EPS15: variants seen among roughly 807,000 people sequenced by gnomAD.
EPS15 encodes the protein epidermal growth factor receptor pathway substrate 15.
In EPS15, 72 loss-of-function variants were observed where a neutral mutation model predicts 113.8. The ratio of observed to expected loss-of-function variants is 0.63; its 90% CI spans 0.52 to 0.77. The LOEUF (loss-of-function observed/expected upper bound fraction) is 0.77. Ranked by LOEUF, EPS15 falls within the 30% of genes least tolerant of loss-of-function variation. The pLI is 0.00. For missense variants in EPS15, 1,048 were observed against 1,045.8 expected (o/e 1.00, Z -0.03); for synonymous variants, 344 against 363.4 (o/e 0.95, Z 0.61).
At chr1:51,464,854 T>A (rs1654732718) in intron 6 of EPS15, among the ~76,000 whole-genome samples, 1 of 152,246 alleles carries the variant, frequency 6.6e-6, no homozygotes, top group South Asian at 2.1e-4. Context: ...TAGTACGATA[T>A]GATGTGGCTC....
intron 21 of EPS15, among the ~76,000 whole-genome samples, chr1:51,390,768 C>G (rs1388975414): frequency 6.6e-6 from 1 of 152,090 alleles, no homozygotes; most frequent in Non-Finnish European, 1.5e-5. Flanking sequence ...CAATGAGATA[C>G]CATCTCACAC....
At chr1:51,455,915 G>A (rs1019907513) in intron 8 of EPS15, among the ~76,000 whole-genome samples, 6 of 151,606 alleles carry the variant, frequency 4.0e-5, no homozygotes, top group African/African-American at 1.5e-4. Context: ...CCATGGTCAT[G>A]CCAAGGCCTA....
At chr1:51,402,943 A>G (rs1402214995) in intron 17 of EPS15, among the ~76,000 whole-genome samples, 1 of 152,202 alleles carries the variant, frequency 6.6e-6, no homozygotes, top group Non-Finnish European at 1.5e-5. Context: ...AATGTAACAA[A>G]TATCTCTCTA....
chr1:51,401,149 G>A, intron 18 of EPS15, 196 bp from the exon 19 acceptor site: 1 of 429,036 alleles, frequency 2.3e-6, no homozygotes, highest in Non-Finnish European at 4.2e-6. Flanking sequence ...ACAAGTTGAG[G>A]TTACGGATGG....
At chr1:51,514,244 G>A (rs1336903316) in intron 1 of EPS15, among the ~76,000 whole-genome samples, 5 of 152,106 alleles carry the variant, frequency 3.3e-5, no homozygotes, top group Non-Finnish European at 7.4e-5. Context: ...TGAAACTCCA[G>A]CATATGAATT....
chr1:51,482,274 T>TCAGAG (rs1392793160), intron 1 of EPS15, among the ~76,000 whole-genome samples: 1 of 152,074 alleles, frequency 6.6e-6, no homozygotes, highest in East Asian at 1.9e-4. Context: ...TGGGGTGACA[T>TCAGAG]CAGAGCAGGA....
intron 1 of EPS15, among the ~76,000 whole-genome samples, chr1:51,497,780 C>G (rs988172159): frequency 2.6e-5 from 4 of 151,914 alleles, no homozygotes; most frequent in Admixed American, 6.6e-5. Context: ...AGATGGAGAC[C>G]GTCCTGGCCA....
In EPS15 at chr1:51,355,143, C is replaced by T. The variant is rs1646192337; in HGVS notation, c.*1557G>A. The T allele has an allele frequency of 1.4e-5, 3 of 217,816 alleles. No individual in the cohort carries two copies. The highest frequency in any genetic ancestry group is 2.8e-5 in the Non-Finnish European group (3 of 108,042). The allele number at this position is 217,816 out of a possible 1,614,324, so 13.5% of individuals were successfully genotyped here. ...ATTTACAAAGGTAGAAAAAAGTTAG[C>T]AGTGCAAGATAGTGGTTTAAAGTTT... is the stretch of plus-strand genomic sequence containing the variant. On this transcript the variant is annotated 3_prime_UTR_variant, in exon 25 of 25. Transcript: ENST00000371733.
chr1:51,370,210 G>A (rs1259890518), intron 21 of EPS15, among the ~76,000 whole-genome samples: 1 of 152,198 alleles, frequency 6.6e-6, no homozygotes, highest in African/African-American at 2.4e-5. Context: ...TCATGTGTTT[G>A]TGGTGATGTT....
chr1:51,462,831 T>G (rs114572081), intron 7 of EPS15, among the ~76,000 whole-genome samples: 4,772 of 148,998 alleles, frequency 0.032, 121 homozygotes, highest in Non-Finnish European at 0.05. Flanking sequence ...TTTATCACAG[T>G]AAAAAAATTG....
At chr1:51,423,996 A>T (rs1650996634) in intron 12 of EPS15, among the ~76,000 whole-genome samples, 1 of 152,126 alleles carries the variant, frequency 6.6e-6, no homozygotes, top group African/African-American at 2.4e-5. Context: ...ACCATTCCCA[A>T]CTAAAAAAAA....
At chr1:51,453,869 G>C (rs1653766324) in intron 8 of EPS15, among the ~76,000 whole-genome samples, 1 of 151,922 alleles carries the variant, frequency 6.6e-6, no homozygotes, top group African/African-American at 2.4e-5. Flanking sequence ...CAAGACTTTG[G>C]TGAAACCCTG....
chr1:51,418,865 A>G (rs1023374466), intron 13 of EPS15, among the ~76,000 whole-genome samples: 1 of 152,154 alleles, frequency 6.6e-6, no homozygotes, highest in Non-Finnish European at 1.5e-5. Flanking sequence ...ATTACTTAAG[A>G]TCACAAACCT....
chr1:51,431,691 C>G (rs543633239), intron 12 of EPS15, among the ~76,000 whole-genome samples: 1 of 152,246 alleles, frequency 6.6e-6, no homozygotes, highest in Non-Finnish European at 1.5e-5. Context: ...AGGTGATCCT[C>G]CCACCTCGGC....
chr1:51,465,207 A>C, intron 6 of EPS15, 54 bp downstream of exon 6: 1 of 1,063,420 alleles, frequency 9.4e-7, no homozygotes, highest in Non-Finnish European at 1.4e-6. Context: ...AGGTAGAGAG[A>C]GAGTAGATAG....
intron 1 of EPS15, among the ~76,000 whole-genome samples, chr1:51,491,887 G>A (rs1644240722): frequency 7.4e-6 from 1 of 135,084 alleles, no homozygotes; most frequent in Non-Finnish European, 1.5e-5. Context: ...TTTTGAGACA[G>A]AGTGTTGCCC....
chr1:51,447,624 T>C (rs891861499), intron 9 of EPS15, among the ~76,000 whole-genome samples: 3 of 152,090 alleles, frequency 2.0e-5, no homozygotes, highest in Admixed American at 2.0e-4. Context: ...AAGAGTTAAC[T>C]AGGTATTAAA....
chr1:51,445,980 C>G (rs1653017098), intron 10 of EPS15, among the ~76,000 whole-genome samples: 1 of 152,208 alleles, frequency 6.6e-6, no homozygotes, highest in African/African-American at 2.4e-5. Flanking sequence ...TCAATAGTGG[C>G]AGCTACTACT....
At chr1:51,504,095 T>A (rs559577430) in intron 1 of EPS15, among the ~76,000 whole-genome samples, 25 of 152,146 alleles carry the variant, frequency 1.6e-4, no homozygotes, top group Middle Eastern at 3.4e-3. Flanking sequence ...AAAATATATA[T>A]AAATTAGACT....
Sources: allele counts gnomAD v4.1 joint callset (sites outside exome capture counted in the v4.1 genomes callset), GRCh38; gene constraint gnomAD v4.1.1; transcripts MANE v1.5; gene names NCBI Gene and HGNC (gene_info 2026-07-23, HGNC 2026-07-21).